The following SNX18 variants were observed in gnomAD, a reference collection of about 807,000 sequenced individuals.
The protein encoded by SNX18 is sorting nexin 18.
Under a neutral mutation model 48.7 loss-of-function variants are expected in SNX18, and 35 were observed. The ratio of observed to expected loss-of-function variants is 0.72; its 90% CI spans 0.55 to 0.95. The LOEUF (loss-of-function observed/expected upper bound fraction) is 0.95. Among genes scored for constraint, SNX18 ranks in the 40% least tolerant of loss-of-function variants. The probability of loss-of-function intolerance (pLI) is 0.00; values close to 1 mark genes in which losing one functional copy is unlikely to be tolerated. For synonymous variants in SNX18, 492 were observed against 384.7 expected (o/e 1.28, Z -3.26); for missense variants, 824 against 871.0 (o/e 0.95, Z 0.68).
chr5:54,559,959 C>T, the SNX18 span, among the ~76,000 whole-genome samples: 2 of 152,072 alleles, frequency 1.3e-5, no homozygotes, highest in African/African-American at 4.8e-5. Flanking sequence ...TGAAAAAAAG[C>T]TCATCATCAC....
intron 1 of SNX18, among the ~76,000 whole-genome samples, chr5:54,525,195 A>G (rs1762109033): frequency 1.3e-5 from 2 of 152,242 alleles, no homozygotes; most frequent in Admixed American, 1.3e-4. Flanking sequence ...GTTATAGTTC[A>G]TAGTAGCTAG....
chr5:54,595,316 A>G, the SNX18 span, among the ~76,000 whole-genome samples: 1 of 152,028 alleles, frequency 6.6e-6, no homozygotes, highest in Admixed American at 6.6e-5. Context: ...GCTCACTGTA[A>G]CCTCTGCCTC....
chr5:54,519,948 C>A, intron 1 of SNX18: 1 of 872,318 alleles, frequency 1.1e-6, no homozygotes, highest in South Asian at 1.8e-5. Context: ...ACTGCACTGT[C>A]ACTTAGTGGT....
the SNX18 span, among the ~76,000 whole-genome samples, chr5:54,589,333 A>G: frequency 6.6e-6 from 1 of 152,214 alleles, no homozygotes; most frequent in African/African-American, 2.4e-5. Context: ...TCTCTGCCCA[A>G]GCTGTGCCTT....
chr5:54,549,345 C>T (rs184917930), downstream of SNX18, among the ~76,000 whole-genome samples: 1 of 152,206 alleles, frequency 6.6e-6, no homozygotes, highest in Non-Finnish European at 1.5e-5. Context: ...GGCAGAGGTT[C>T]CTGCTTTAGC....
At chr5:54,524,724 T>C (rs1561114990) in intron 1 of SNX18, among the ~76,000 whole-genome samples, 3 of 152,212 alleles carry the variant, frequency 2.0e-5, no homozygotes, top group Non-Finnish European at 4.4e-5. Flanking sequence ...CAAGATTATA[T>C]CCGGAAGGCA....
At position 54,540,955 on chromosome 5, in the gene SNX18, A is replaced by G. The variant is rs1762457206; in HGVS notation, c.1622-2224A>G. Among the ~76,000 whole-genome samples, 3 of 152,236 alleles carry G rather than the reference A, an allele frequency of 2.0e-5. No individual in the cohort carries two copies. In the South Asian group the frequency reaches 6.2e-4, roughly 32 times the overall value. On this transcript the variant is annotated intron_variant, in intron 1 of 1. Transcript: ENST00000381410. ...TATAAAACATGTATTTTATCGCTACACATTCTCAGTCTTTCTGAATTTTTT... is the reference window on the plus strand; with the variant it reads ...TATAAAACATGTATTTTATCGCTACGCATTCTCAGTCTTTCTGAATTTTTT...
chr5:54,615,427 T>C, the SNX18 span, among the ~76,000 whole-genome samples: 1 of 151,936 alleles, frequency 6.6e-6, no homozygotes, highest in Admixed American at 6.6e-5. Flanking sequence ...TCCTACTCTC[T>C]TTTAAAAATC....
chr5:54,553,016 G>A, the SNX18 span, among the ~76,000 whole-genome samples: 3 of 151,846 alleles, frequency 2.0e-5, no homozygotes, highest in South Asian at 2.1e-4. Context: ...CAAAGGCCCC[G>A]AGGCAGGAGC....
chr5:54,628,505 C>T, the SNX18 span, among the ~76,000 whole-genome samples: 10 of 152,150 alleles, frequency 6.6e-5, no homozygotes, highest in Non-Finnish European at 1.5e-4. Flanking sequence ...GTGCCTCCTT[C>T]ATCACCCCCA....
At position 54,545,647 on chromosome 5, in the gene SNX18, A is replaced by T. The variant is rs1762565508; in HGVS notation, c.*2215A>T. 2 of 152,206 alleles carry T rather than the reference A, an allele frequency of 1.3e-5. No homozygotes were observed. Among genetic ancestry groups the T allele is most frequent in the Non-Finnish European group, 2.9e-5 (2 of 68,032 alleles). The allele number at this position is 152,206 out of a possible 1,614,324, so 9.4% of individuals were successfully genotyped here. A position where few individuals can be genotyped will look rare whatever the true frequency, so the allele number is the denominator to read the frequency against. On this transcript the variant is annotated 3_prime_UTR_variant, in exon 2 of 2. Coordinates refer to ENST00000381410, the MANE Select transcript of SNX18 (RefSeq NM_001102575.2). ...CATAACATTATAATGCCACTGATTC[A>T]TACGGGATTTACATTAATTCTATGG...
the SNX18 span, among the ~76,000 whole-genome samples, chr5:54,564,937 G>A: frequency 2.0e-5 from 3 of 152,200 alleles, no homozygotes; most frequent in Non-Finnish European, 4.4e-5. Flanking sequence ...AGGGTCTAGG[G>A]TAAAATTCGT....
At chr5:54,582,659 GT>G in the SNX18 span, among the ~76,000 whole-genome samples, 1 of 152,072 alleles carries the variant, frequency 6.6e-6, no homozygotes, top group Non-Finnish European at 1.5e-5. Flanking sequence ...AGGCATGCTG[GT>G]GTGCACTTGT....
At chr5:54,636,745 C>T in the SNX18 span, among the ~76,000 whole-genome samples, 2 of 152,156 alleles carry the variant, frequency 1.3e-5, no homozygotes, top group African/African-American at 4.8e-5. Flanking sequence ...AAAATAATTG[C>T]TAACATGCAT....
the SNX18 span, among the ~76,000 whole-genome samples, chr5:54,579,039 T>G: frequency 6.6e-6 from 1 of 152,176 alleles, no homozygotes; most frequent in East Asian, 1.9e-4. Context: ...AACACCCTGA[T>G]GTCAAGAACC....
At chr5:54,577,235 C>T in the SNX18 span, among the ~76,000 whole-genome samples, 2 of 152,090 alleles carry the variant, frequency 1.3e-5, no homozygotes, top group African/African-American at 4.8e-5. Flanking sequence ...CATTTACTAT[C>T]AATGAAATGG....
In SNX18 at chr5:54,517,827, A is replaced by C; in HGVS notation, c.-126A>C. On this transcript the variant is annotated 5_prime_UTR_variant, in exon 1 of 2. Coordinates refer to ENST00000381410, the MANE Select transcript of SNX18 (RefSeq NM_001102575.2). ...GAGGGCGCGACCGGCTGGTCCGGGC[A>C]GCGTGGGTTTGCCGCCTTCGGGGCT... 2.3e-5 allele frequency: 23 copies of C among 1,003,112 alleles called. No homozygotes were observed. The highest frequency in any genetic ancestry group is 3.0e-5 in the Non-Finnish European group (23 of 763,830). The allele number at this position is 1,003,112 out of a possible 1,614,324, so 62.1% of individuals were successfully genotyped here.
chr5:54,518,391 A>G lies in SNX18; in HGVS notation c.439A>G (p.Ser147Gly). The change falls in exon 1 of 2, where the codon AGC (serine) becomes GGC (glycine). Residue 147 changes from serine to glycine, a missense_variant. By Grantham distance (56) the Ser-to-Gly change is moderately conservative (BLOSUM62 0). This residue lies in a region of SNX18 where 377 missense variants were observed against 350.6 expected (regional missense o/e 1.08). Coordinates refer to ENST00000381410, the MANE Select transcript of SNX18 (RefSeq NM_001102575.2). ...GCAGCTCTACGGCGGCTACCAGGCC[A>G]GCCAAGGCAGCGATGATGACTGGGA... ...PQQLYGGYQA[S>G]QGSDDDWDDE... 3 of 1,579,550 alleles carry G rather than the reference A, an allele frequency of 1.9e-6. No individual in the cohort carries two copies. Among genetic ancestry groups the G allele is most frequent in the Non-Finnish European group, 8.6e-7 (1 of 1,163,984 alleles).
At chr5:54,569,877 G>T in the SNX18 span, among the ~76,000 whole-genome samples, 2 of 152,218 alleles carry the variant, frequency 1.3e-5, no homozygotes, top group African/African-American at 4.8e-5. Flanking sequence ...GAGGGGGCAA[G>T]ATCCCACTCT....
Sources: allele counts gnomAD v4.1 joint callset (sites outside exome capture counted in the v4.1 genomes callset), GRCh38; gene constraint gnomAD v4.1.1; regional missense constraint gnomAD v4.1.1; transcripts MANE v1.5; gene names NCBI Gene and HGNC (gene_info 2026-07-23, HGNC 2026-07-21).